The following AKAP13 variants were observed in gnomAD, a reference collection of about 807,000 sequenced individuals.
The protein encoded by AKAP13 is A-kinase anchoring protein 13.
In AKAP13, 80 loss-of-function variants were observed where a neutral mutation model predicts 264.5. That is an observed-to-expected ratio of 0.30 (90% CI 0.25 to 0.36). The LOEUF (loss-of-function observed/expected upper bound fraction) is 0.36. Ranked by LOEUF, AKAP13 falls within the 10% of genes least tolerant of loss-of-function variation. The probability of loss-of-function intolerance (pLI) is 1.00; values close to 1 mark genes in which losing one functional copy is unlikely to be tolerated. For missense variants in AKAP13, 3,712 were observed against 3,435.2 expected, an observed-to-expected ratio of 1.08 and a Z score of -2.01; for synonymous variants, 1,380 against 1,250.2, an observed-to-expected ratio of 1.10 and a Z score of -2.19.
intron 8 of AKAP13, among the ~76,000 whole-genome samples, chr15:85,618,187 T>C (rs1371825357): frequency 6.6e-6 from 1 of 152,242 alleles, no homozygotes; most frequent in Non-Finnish European, 1.5e-5. Context: ...CAGGGTTTGC[T>C]GTATTTCCCT....
chr15:85,707,086 A>T (rs2086326497), intron 17 of AKAP13, among the ~76,000 whole-genome samples: 1 of 152,146 alleles, frequency 6.6e-6, no homozygotes, highest in African/African-American at 2.4e-5. Context: ...TGCCTAGTGA[A>T]TGGTATCTGT....
Position 85,727,124 on chromosome 15 carries a change from A to C in AKAP13, c.6881A>C (p.Glu2294Ala), listed in dbSNP as rs1304622263. 6.2e-7 allele frequency: 1 copy of C among 1,614,084 alleles called. No individual in the cohort carries two copies. The highest frequency in any genetic ancestry group is 1.3e-5 in the African/African-American group (1 of 74,920). The part of the protein sequence containing the change: ...KKLIVREVAH[E>A]EKGLFLISMG... The stretch of plus-strand genomic sequence containing the variant: ...CTGATTGTGAGAGAAGTGGCACATG[A>C]GGAGAAAGGTTTATTCCTGATCAGC... Residue 2294 changes from glutamate to alanine, a missense_variant, in exon 28 of 37, where the codon GAG becomes GCG. Physicochemically the swap from Glu to Ala is moderately radical, Grantham distance 107. This residue lies in a region of AKAP13 where 342 missense variants were observed against 484.3 expected (regional missense o/e 0.71). Transcript: ENST00000394518. The surrounding 1 kb of genome is among the most constrained non-coding windows in gnomAD (Gnocchi z 5.3).
chr15:85,696,405 T>G (rs1248997994), intron 17 of AKAP13, among the ~76,000 whole-genome samples: 1 of 152,234 alleles, frequency 6.6e-6, no homozygotes, highest in Non-Finnish European at 1.5e-5. Flanking sequence ...AAAGTGAGGC[T>G]GCCTAACATA....
intron 11 of AKAP13, 119 bp from the exon 12 acceptor site, chr15:85,658,418 C>A: frequency 5.2e-6 from 4 of 768,548 alleles, no homozygotes; most frequent in South Asian, 2.1e-5. Context: ...CATTCTCTTG[C>A]CTGTGCCATT....
chr15:85,572,257 T>C (rs571473134), intron 5 of AKAP13, among the ~76,000 whole-genome samples: 7 of 152,196 alleles, frequency 4.6e-5, no homozygotes, highest in African/African-American at 1.7e-4. Flanking sequence ...GAGATCTTTT[T>C]TGTTGGAATA....
chr15:85,545,028 C>A (rs942024262), intron 5 of AKAP13, among the ~76,000 whole-genome samples: 4 of 152,320 alleles, frequency 2.6e-5, no homozygotes, highest in Non-Finnish European at 5.9e-5. Context: ...TATACCTTTC[C>A]CCATCACGCT....
At chr15:85,553,850 C>T (rs116522367) in intron 5 of AKAP13, among the ~76,000 whole-genome samples, 73 of 152,206 alleles carry the variant, frequency 4.8e-4, no homozygotes, top group African/African-American at 1.3e-3. Context: ...GAAACCGTAT[C>T]GTGAACTGCA....
At chr15:85,497,131 G>A (rs997377609) in intron 2 of AKAP13, among the ~76,000 whole-genome samples, 1 of 152,146 alleles carries the variant, frequency 6.6e-6, no homozygotes, top group African/African-American at 2.4e-5. Flanking sequence ...TTTCCATTTG[G>A]TACTAGTGAA....
chr15:85,721,124 C>T (rs2151726696), intron 23 of AKAP13, among the ~76,000 whole-genome samples: 1 of 152,298 alleles, frequency 6.6e-6, no homozygotes, highest in East Asian at 1.9e-4. Context: ...ACCATTTGTA[C>T]CTCCTTGTAC....
intron 1 of AKAP13, among the ~76,000 whole-genome samples, chr15:85,467,719 A>G (rs1465181634): frequency 2.6e-5 from 4 of 152,224 alleles, no homozygotes; most frequent in South Asian, 2.1e-4. Flanking sequence ...ACCGAACACA[A>G]TATGCCTAGT....
At chr15:85,590,063 A>AT (rs2079524642) in intron 8 of AKAP13, among the ~76,000 whole-genome samples, 1 of 152,144 alleles carries the variant, frequency 6.6e-6, no homozygotes, top group Admixed American at 6.5e-5. Flanking sequence ...GAGGAGTGGC[A>AT]TTTGTGTAAT....
intron 2 of AKAP13, among the ~76,000 whole-genome samples, chr15:85,513,432 A>C (rs2076507822): frequency 6.6e-6 from 1 of 152,176 alleles, no homozygotes; most frequent in Non-Finnish European, 1.5e-5. Context: ...CAAAATATTA[A>C]AAATATTAAA....
At chr15:85,697,205 C>A (rs1189019328) in intron 17 of AKAP13, among the ~76,000 whole-genome samples, 2 of 152,128 alleles carry the variant, frequency 1.3e-5, no homozygotes, top group East Asian at 3.8e-4. Flanking sequence ...ATAAAAGATA[C>A]ATAGATGCCA....
At chr15:85,386,006 G>A (rs747658185) in intron 1 of AKAP13, among the ~76,000 whole-genome samples, 9 of 152,026 alleles carry the variant, frequency 5.9e-5, no homozygotes, top group Middle Eastern at 3.4e-3. Context: ...TTGTATTTTA[G>A]TAGAGATGGG....
At chr15:85,729,123 A>G (rs904114134) in intron 29 of AKAP13, among the ~76,000 whole-genome samples, 4 of 152,034 alleles carry the variant, frequency 2.6e-5, no homozygotes, top group Non-Finnish European at 4.4e-5. Flanking sequence ...ACATGGTGAA[A>G]CCCCATCTCT....
At chr15:85,418,653 A>G (rs186112404) in intron 1 of AKAP13, among the ~76,000 whole-genome samples, 141 of 152,368 alleles carry the variant, frequency 9.3e-4, no homozygotes, top group Middle Eastern at 3.4e-3. Context: ...AGTCATGACA[A>G]AAAGTGATAA....
Position 85,466,509 on chromosome 15 carries a change from C to A in AKAP13, c.-11-19201C>A, listed in dbSNP as rs1407194186. Among the ~76,000 whole-genome samples the A allele has an allele frequency of 2.0e-5, 3 of 152,262 alleles. No homozygotes were observed. The East Asian group carries it at 5.8e-4, about 29-fold the overall frequency. On this transcript the variant is annotated intron_variant, in intron 1 of 36. Coordinates refer to ENST00000394518, the MANE Select transcript of AKAP13 (RefSeq NM_007200.5). Reference sequence around the variant, plus strand: ...TAGGTCTAACATGTAAGTCTTTAATCCATCTTGAATTAATTTTCGTATAAG... The same window carrying A: ...TAGGTCTAACATGTAAGTCTTTAATACATCTTGAATTAATTTTCGTATAAG...
intron 2 of AKAP13, among the ~76,000 whole-genome samples, chr15:85,510,659 G>T (rs1308559756): frequency 6.6e-6 from 1 of 152,144 alleles, no homozygotes; most frequent in Non-Finnish European, 1.5e-5. Context: ...TATCACAGAT[G>T]AACAATTATA....
chr15:85,630,234 AACACACACACACAC>A (rs71141472), intron 8 of AKAP13, among the ~76,000 whole-genome samples: 9 of 119,064 alleles, frequency 7.6e-5, no homozygotes, highest in African/African-American at 1.9e-4. Context: ...GGAAAATTGT[AACACACACACACAC>A]ACACACACAC....
Sources: gnomAD v4.1 joint callset for allele counts (sites outside exome capture counted in the v4.1 genomes callset) on GRCh38, gnomAD v4.1.1 for gene constraint, gnomAD v4.1.1 regional missense constraint, Gnocchi (gnomAD v3.1) non-coding constraint, MANE v1.5 for transcripts, NCBI Gene and HGNC (gene_info 2026-07-23, HGNC 2026-07-21) for gene names.